Variants in DOCK5 observed in about 807,000 individuals in gnomAD.
DOCK5 encodes dedicator of cytokinesis 5.
Under a neutral mutation model 251.8 loss-of-function variants are expected in DOCK5, and 142 were observed. The ratio of observed to expected loss-of-function variants is 0.56; its 90% CI spans 0.49 to 0.65. The LOEUF is 0.65. DOCK5 is among the 30% of genes least tolerant of loss of function. DOCK5 has a pLI of 0.00. For synonymous variants in DOCK5, 842 were observed against 835.5 expected, an observed-to-expected ratio of 1.01 and a Z score of -0.13; for missense variants, 2,111 against 2,312.3, an observed-to-expected ratio of 0.91 and a Z score of 1.79.
intron 43 of DOCK5, among the ~76,000 whole-genome samples, chr8:25,392,281 G>A (rs1469426926): frequency 6.6e-6 from 1 of 150,706 alleles, no homozygotes. Flanking sequence ...TCCAGCATGG[G>A]CGACAGAGCG....
intron 28 of DOCK5, among the ~76,000 whole-genome samples, chr8:25,360,165 G>A (rs1166818945): frequency 1.3e-5 from 2 of 152,202 alleles, no homozygotes; most frequent in Non-Finnish European, 1.5e-5. Flanking sequence ...CCATGGATTC[G>A]CAGCTCCTTC....
At chr8:25,371,302 G>A (rs118103298) in intron 34 of DOCK5, among the ~76,000 whole-genome samples, 3,319 of 152,038 alleles carry the variant, frequency 0.022, 64 homozygotes, top group Middle Eastern at 0.034. Flanking sequence ...CACCTGCCTC[G>A]GCCTCCCAAA....
chr8:25,367,992 T>A (rs935404392), intron 31 of DOCK5, among the ~76,000 whole-genome samples, 200 bp from the exon 32 acceptor site: 10 of 152,210 alleles, frequency 6.6e-5, no homozygotes, highest in African/African-American at 2.4e-4. Context: ...TCCATTTGGC[T>A]TTATTGCGGC....
At chr8:25,254,631 C>T (rs1271442983) in intron 2 of DOCK5, among the ~76,000 whole-genome samples, 7 of 151,476 alleles carry the variant, frequency 4.6e-5, no homozygotes, top group South Asian at 4.2e-4. Context: ...AAAAATTAGC[C>T]GGGCGTGGTG....
In DOCK5 at chr8:25,389,197, C is replaced by G. The variant is rs1359322402; in HGVS notation, c.4238C>G (p.Pro1413Arg). 6.2e-7 allele frequency: 1 copy of G among 1,613,986 alleles called. No individual in the cohort carries two copies. The highest frequency in any genetic ancestry group is 1.7e-5 in the Admixed American group (1 of 60,032). ...GCGGAGAAGATGACCAGTACCACGC[C>G]TCCTGGGGAAGACATCAAGTCGTCC... ...PNAEKMTSTT[P>R]PGEDIKSSPK... Residue 1413 changes from proline (P) to arginine (R), a missense_variant, in exon 41 of 52, where the codon CCT (proline) becomes CGT (arginine). By Grantham distance (103) the Pro-to-Arg change is moderately radical. Around this residue, in one of 3 missense-constraint regions of DOCK5, gnomAD observed 1,717 missense variants for 1,892.4 expected, o/e 0.91. Coordinates refer to ENST00000276440, the MANE Select transcript of DOCK5 (RefSeq NM_024940.8).
rs181373577 is a variant in DOCK5 at position 25,297,402 on chromosome 8, C to T, written c.606+754C>T. On this transcript the variant is annotated intron_variant, in intron 7 of 51. Transcript: ENST00000276440. ...CCTTCCGAGTAGCTGGGATTACAGG[C>T]GCCCACCACCACGCCTGGCTAATTT... Among the ~76,000 whole-genome samples, 179 of 152,204 alleles carry T rather than the reference C, an allele frequency of 1.2e-3. 1 individual carries two copies. The East Asian group carries it at 0.03, about 26-fold the overall frequency.
intron 22 of DOCK5, among the ~76,000 whole-genome samples, chr8:25,339,958 A>G (rs769758240): frequency 1.7e-4 from 26 of 152,210 alleles, no homozygotes; most frequent in Non-Finnish European, 3.5e-4. Flanking sequence ...CTCCAGCCCC[A>G]TCTCAGAGGC....
intron 2 of DOCK5, among the ~76,000 whole-genome samples, chr8:25,248,208 C>G (rs1803167141): frequency 6.6e-6 from 1 of 152,126 alleles, no homozygotes; most frequent in Non-Finnish European, 1.5e-5. Context: ...GCCAGATGTC[C>G]CATGATAGGT....
chr8:25,345,152 C>A (rs1239877962), intron 25 of DOCK5, among the ~76,000 whole-genome samples: 1 of 151,744 alleles, frequency 6.6e-6, no homozygotes, highest in Non-Finnish European at 1.5e-5. Context: ...TTTCATATGA[C>A]CCTCAATTTC....
At chr8:25,244,303 G>T (rs1803038222) in intron 2 of DOCK5, among the ~76,000 whole-genome samples, 1 of 152,336 alleles carries the variant, frequency 6.6e-6, no homozygotes, top group East Asian at 1.9e-4. Context: ...GGGCTGCGGG[G>T]CAGTACTTAG....
At chr8:25,298,110 C>CA (rs1370363097) in intron 7 of DOCK5, among the ~76,000 whole-genome samples, 15 of 148,262 alleles carry the variant, frequency 1.0e-4, no homozygotes, top group African/African-American at 3.7e-4. Flanking sequence ...CAGACCCAAA[C>CA]ATATTGACAT....
At chr8:25,271,318 C>T (rs1000524146) in intron 3 of DOCK5, 1 of 152,588 alleles carries the variant, frequency 6.6e-6, no homozygotes, top group Admixed American at 6.5e-5. Context: ...ATGACACAGA[C>T]AAGGGACATG....
intron 1 of DOCK5, among the ~76,000 whole-genome samples, chr8:25,239,580 G>A (rs1366256262): frequency 1.3e-5 from 2 of 152,132 alleles, no homozygotes; most frequent in African/African-American, 4.8e-5. Context: ...ACAAGGCCAT[G>A]AATAGGGAGT....
chr8:25,278,743 C>G (rs1253014110), intron 5 of DOCK5, 78 bp downstream of exon 5: 2 of 1,326,604 alleles, frequency 1.5e-6, no homozygotes, highest in East Asian at 4.9e-5. Flanking sequence ...GGGTGTTGGC[C>G]CCTTATTGCT....
At chr8:25,366,845 T>C (rs750443070) in intron 30 of DOCK5, 25 bp from the exon 31 acceptor site, 4 of 1,588,224 alleles carry the variant, frequency 2.5e-6, no homozygotes, top group Non-Finnish European at 3.5e-6. Context: ...CATTTCCCTT[T>C]ACCCACACAA....
At chr8:25,353,195 CCAGGTG>C (rs1475032927) in intron 27 of DOCK5, among the ~76,000 whole-genome samples, 2 of 152,070 alleles carry the variant, frequency 1.3e-5, no homozygotes, top group Non-Finnish European at 2.9e-5. Flanking sequence ...AAAAAATTAG[CCAGGTG>C]CAGTGATTAG....
intron 38 of DOCK5, among the ~76,000 whole-genome samples, chr8:25,379,321 CA>C (rs34438078): frequency 0.19 from 28,843 of 151,982 alleles, 3,182 homozygotes; most frequent in African/African-American, 0.29. Flanking sequence ...GACCTCCCCC[CA>C]AGGAATGCAT....
In DOCK5 at chr8:25,321,031, C is replaced by T. The variant is rs569331172; in HGVS notation, c.1594C>T (p.Arg532Ter). ...ACGCTGTCATATAAGATTTACCTTC[C>T]GACACAGGTCATCTCAGGAAAGTAA... Reference protein sequence around the residue: ...VTRCHIRFTFRHRSSQETRDK... With the variant: ...VTRCHIRFTF Residue 532 changes from arginine to a stop codon, truncating the protein, a stop_gained, in exon 16 of 52, where the codon CGA becomes TGA. Transcript: ENST00000276440. LOFTEE classifies it high-confidence loss of function. The T allele has an allele frequency of 1.5e-5, 25 of 1,613,376 alleles. No homozygotes were observed. The highest frequency in any genetic ancestry group is 1.9e-5 in the Non-Finnish European group (23 of 1,179,708).
At chr8:25,383,388 A>G (rs1461522426) in intron 40 of DOCK5, among the ~76,000 whole-genome samples, 1 of 152,160 alleles carries the variant, frequency 6.6e-6, no homozygotes, top group Non-Finnish European at 1.5e-5. Context: ...ACAGTGCCTA[A>G]TGAGACAGTT....
Sources: allele counts gnomAD v4.1 joint callset (sites outside exome capture counted in the v4.1 genomes callset), GRCh38; gene constraint gnomAD v4.1.1; regional missense constraint gnomAD v4.1.1; transcripts MANE v1.5; gene names NCBI Gene and HGNC (gene_info 2026-07-23, HGNC 2026-07-21).